Variants in ING5 observed in about 807,000 individuals in gnomAD.
ING5 encodes inhibitor of growth family member 5, also known as inhibitor of growth protein 5.
Under a neutral mutation model 37.4 loss-of-function variants are expected in ING5, and 17 were observed. The ratio of observed to expected loss-of-function variants is 0.45; its 90% CI spans 0.31 to 0.68. The LOEUF (loss-of-function observed/expected upper bound fraction) is 0.68, where lower values mean the gene tolerates loss of function less well. ING5 is among the 30% of genes least tolerant of loss of function. The pLI is 0.05. For synonymous variants in ING5, 123 were observed against 116.6 expected (o/e 1.06, Z -0.36); for missense variants, 233 against 311.9 (o/e 0.75, Z 1.91).
Position 241,725,596 on chromosome 2 carries a change from A to C in ING5, c.*565A>C, listed in dbSNP as rs1417968741. The C allele has an allele frequency of 1.3e-5, 2 of 152,408 alleles. No individual in the cohort carries two copies. Among genetic ancestry groups the C allele is most frequent in the African/African-American group, 4.8e-5 (2 of 41,432 alleles). The allele number at this position is 152,408 out of a possible 1,614,324, so 9.4% of individuals were successfully genotyped here. On this transcript the variant is annotated 3_prime_UTR_variant, in exon 8 of 8. Coordinates refer to ENST00000313552, the MANE Select transcript of ING5 (RefSeq NM_032329.6). ...GGGAGGGCTGGGGGCTCTTCCCTGG[A>C]GGAAGCGGCCTCCGCTTCGCTGGCG...
Position 241,704,749 on chromosome 2 carries a change from C to T in ING5, c.109+25C>T, listed in dbSNP as rs1375872061. 4 of 1,593,880 alleles carry T rather than the reference C, an allele frequency of 2.5e-6. No individual in the cohort carries two copies. The South Asian group carries it at 3.3e-5, about 13-fold the overall frequency. ...GGTGGGTTCAGACCTCTCCATACAA[C>T]CAGAACTGAGTTCTGACAGGTGGGA... is the stretch of plus-strand genomic sequence containing the variant. On this transcript the variant is annotated intron_variant, in intron 2 of 7. Transcript: ENST00000313552.
At chr2:241,695,227 C>T (rs989108053) in intron 2 of ING5, among the ~76,000 whole-genome samples, 9 of 151,764 alleles carry the variant, frequency 5.9e-5, no homozygotes, top group African/African-American at 2.2e-4. Context: ...CTGTGAGACC[C>T]GCTGCTACTG....
At chr2:241,701,566 G>T (rs921756663), upstream of ING5, among the ~76,000 whole-genome samples, 1 of 152,038 alleles carries the variant, frequency 6.6e-6, no homozygotes, top group Non-Finnish European at 1.5e-5. Flanking sequence ...AGGCCCCGGG[G>T]GCTCGGGGTC....
chr2:241,692,145 A>C (rs2069565849), intron 2 of ING5, among the ~76,000 whole-genome samples: 1 of 152,194 alleles, frequency 6.6e-6, no homozygotes, highest in South Asian at 2.1e-4. Context: ...AGCTTGCAGC[A>C]CACGCAGCAC....
At chr2:241,687,301 G>A (rs1266487626) in exon 1 of ING5, 1 of 398,514 alleles carries the variant, frequency 2.5e-6, no homozygotes, top group African/African-American at 2.1e-5. Flanking sequence ...GCTTCCCGAA[G>A]CGCGGGGCCC....
chr2:241,721,669 A>G lies in ING5; in HGVS notation c.483-1270A>G, dbSNP rs530912866. On this transcript the variant is annotated intron_variant, in intron 5 of 7. Coordinates refer to ENST00000313552, the MANE Select transcript of ING5 (RefSeq NM_032329.6). Reference sequence around the variant, plus strand: ...AACCTGCTGTGTTTACATACCAACTAGATATTCGTGGGTTGGAGGGTGGGA... The same window carrying G: ...AACCTGCTGTGTTTACATACCAACTGGATATTCGTGGGTTGGAGGGTGGGA... The G allele has an allele frequency of 3.0e-6, 3 of 985,056 alleles. No homozygotes were observed. In the South Asian group the frequency reaches 1.4e-4, roughly 46 times the overall value. The allele number at this position is 985,056 out of a possible 1,614,324, so 61.0% of individuals were successfully genotyped here. A position where few individuals can be genotyped will look rare whatever the true frequency, so the allele number is the denominator to read the frequency against.
chr2:241,707,967 G>A (rs1016156624), intron 2 of ING5, among the ~76,000 whole-genome samples: 32 of 151,894 alleles, frequency 2.1e-4, no homozygotes, highest in African/African-American at 7.5e-4. Context: ...GCACGGTCTC[G>A]GCTCACTGCA....
intron 2 of ING5, among the ~76,000 whole-genome samples, chr2:241,707,772 C>T (rs578118334): frequency 1.3e-5 from 2 of 152,294 alleles, no homozygotes; most frequent in East Asian, 3.9e-4. Context: ...TGTCTGCTAC[C>T]GAGATGGAGA....
Position 241,702,071 on chromosome 2 carries a change from G to T in ING5, c.6G>T (p.Ala2=). 2.2e-6 allele frequency: 3 copies of T among 1,388,588 alleles called. No homozygotes were observed. Among genetic ancestry groups the T allele is most frequent in the East Asian group, 3.3e-5 (1 of 30,376 alleles). The allele number at this position is 1,388,588 out of a possible 1,614,324, so 86.0% of individuals were successfully genotyped here. ...GAGCGCGGCCGCGGACGAAGATGGCGACCGCCATGTACTTGGAGCACTATC... is the reference window on the plus strand; with the variant it reads ...GAGCGCGGCCGCGGACGAAGATGGCTACCGCCATGTACTTGGAGCACTATC... M[A]TAMYLEHYLD... is the part of the protein sequence containing the mutation. The change falls in exon 1 of 8, where the codon GCG becomes GCT. Residue 2 remains alanine, a synonymous_variant. Transcript: ENST00000313552.
At chr2:241,688,457 T>C (rs948950931) in intron 1 of ING5, among the ~76,000 whole-genome samples, 1 of 152,174 alleles carries the variant, frequency 6.6e-6, no homozygotes, top group Non-Finnish European at 1.5e-5. Flanking sequence ...TTCCCGGACT[T>C]TACTCCCAGC....
At chr2:241,702,245 A>C in intron 1 of ING5, 143 bp downstream of exon 1, 5 of 191,070 alleles carry the variant, frequency 2.6e-5, no homozygotes, top group East Asian at 1.9e-4. Flanking sequence ...GGGCGCGCGG[A>C]CGGGGCGGGG....
exon 2 of ING5, chr2:241,690,015 C>T (rs1354626567): frequency 3.3e-5 from 5 of 152,168 alleles, no homozygotes; most frequent in South Asian, 4.2e-4. Context: ...GGCTGCGGTA[C>T]TGTCTCTCAT....
intron 5 of ING5, among the ~76,000 whole-genome samples, chr2:241,717,063 T>C (rs1421654446): frequency 6.6e-6 from 1 of 152,068 alleles, no homozygotes; most frequent in Non-Finnish European, 1.5e-5. Flanking sequence ...TAGTTGCCAT[T>C]TCTGGTAACC....
chr2:241,720,860 G>A, intron 5 of ING5: 2 of 985,738 alleles, frequency 2.0e-6, no homozygotes, highest in South Asian at 9.4e-5. Flanking sequence ...AGCACTCCCT[G>A]GCCACACGCC....
At chr2:241,703,292 G>C (rs1170769014) in intron 1 of ING5, among the ~76,000 whole-genome samples, 1 of 152,204 alleles carries the variant, frequency 6.6e-6, no homozygotes, top group Non-Finnish European at 1.5e-5. Flanking sequence ...GCATAAGATA[G>C]AGTTAGGTTT....
intron 3 of ING5, among the ~76,000 whole-genome samples, chr2:241,710,821 C>T (rs1200275582): frequency 6.6e-6 from 1 of 151,960 alleles, no homozygotes; most frequent in African/African-American, 2.4e-5. Flanking sequence ...CCATGTTGGC[C>T]AGGCTGGTCT....
chr2:241,712,741 A>C (rs972352711), intron 5 of ING5, among the ~76,000 whole-genome samples: 4 of 152,060 alleles, frequency 2.6e-5, no homozygotes, highest in Admixed American at 6.6e-5. Context: ...CAAAGAGTGT[A>C]AGTTTTGGGC....
chr2:241,722,724 G>A, intron 5 of ING5: 1 of 985,394 alleles, frequency 1.0e-6, no homozygotes, highest in African/African-American at 1.7e-5. Flanking sequence ...TGGCCCTGGA[G>A]TCGCATTCAT....
At chr2:241,691,091 T>A (rs2069546674) in intron 2 of ING5, among the ~76,000 whole-genome samples, 1 of 150,750 alleles carries the variant, frequency 6.6e-6, no homozygotes, top group Non-Finnish European at 1.5e-5. Context: ...ATTACAGGCG[T>A]GAGCCAGCGC....
Sources: gnomAD v4.1 joint callset for allele counts (sites outside exome capture counted in the v4.1 genomes callset) on GRCh38, gnomAD v4.1.1 for gene constraint, MANE v1.5 for transcripts, NCBI Gene and HGNC (gene_info 2026-07-23, HGNC 2026-07-21) for gene names.